Variants in CCNY observed in about 807,000 individuals in gnomAD.
The protein encoded by CCNY is cyclin Y.
A neutral mutation model predicts 42.8 loss-of-function variants in CCNY; 19 were observed. The observed-to-expected ratio is 0.44, with a 90% CI of 0.31 to 0.65. The LOEUF is 0.65. Ranked by LOEUF, CCNY falls within the 30% of genes least tolerant of loss-of-function variation. The pLI, the probability that CCNY is intolerant of heterozygous loss-of-function variation, is 0.07. For synonymous variants in CCNY, 165 were observed against 162.7 expected, an observed-to-expected ratio of 1.01 and a Z score of -0.11; for missense variants, 370 against 437.3, an observed-to-expected ratio of 0.85 and a Z score of 1.37.
At chr10:35,371,653 C>T (rs535486206) in intron 1 of CCNY, among the ~76,000 whole-genome samples, 1 of 152,224 alleles carries the variant, frequency 6.6e-6, no homozygotes, top group South Asian at 2.1e-4. Flanking sequence ...GACTGGGGCA[C>T]AGTAGAGATG....
intron 3 of CCNY, among the ~76,000 whole-genome samples, chr10:35,511,124 C>T (rs1470654619): frequency 6.6e-6 from 1 of 152,220 alleles, no homozygotes; most frequent in Non-Finnish European, 1.5e-5. Context: ...TCTGCCGTAA[C>T]ACAGCTGCTG....
At chr10:35,439,008 T>C (rs1838604306) in intron 1 of CCNY, among the ~76,000 whole-genome samples, 1 of 152,234 alleles carries the variant, frequency 6.6e-6, no homozygotes, top group African/African-American at 2.4e-5. Flanking sequence ...TCCTGTTTTC[T>C]GATGAACAAT....
At chr10:35,296,036 G>T (rs184643172) in intron 3 of CCNY, among the ~76,000 whole-genome samples, 9 of 152,272 alleles carry the variant, frequency 5.9e-5, no homozygotes, top group Admixed American at 5.9e-4. Flanking sequence ...AGTGTTGAGG[G>T]AAGTTTATAT....
Position 35,530,388 on chromosome 10 carries a change from T to C in CCNY, c.579+145T>C. On this transcript the variant is annotated intron_variant, in intron 7 of 9. Coordinates refer to ENST00000374704, the MANE Select transcript of CCNY (RefSeq NM_145012.6). This position sits in a 1 kb window ranked among gnomAD's most constrained non-coding sequence, Gnocchi z 4.3. ...GTGGCATAAGCTTCAGTGTTGTCGT[T>C]CTCCTGGGAGAATAGAGGATAGATA... The C allele has an allele frequency of 1.0e-6, 1 of 952,470 alleles. No individual in the cohort carries two copies. Among genetic ancestry groups the C allele is most frequent in the Non-Finnish European group, 1.6e-6 (1 of 642,318 alleles). The allele number at this position is 952,470 out of a possible 1,614,324, so 59.0% of individuals were successfully genotyped here.
chr10:35,529,109 A>G (rs770383434), intron 5 of CCNY, among the ~76,000 whole-genome samples: 4 of 152,212 alleles, frequency 2.6e-5, no homozygotes, highest in Non-Finnish European at 5.9e-5. Context: ...TACCTCTTTA[A>G]GTGGTTCTGT....
chr10:35,547,849 G>A (rs1841149378), intron 7 of CCNY, among the ~76,000 whole-genome samples: 1 of 152,152 alleles, frequency 6.6e-6, no homozygotes, highest in Non-Finnish European at 1.5e-5. Context: ...CAGGGAAGAG[G>A]CCCTTACACT....
At chr10:35,314,200 C>G (rs1835725633) in intron 3 of CCNY, among the ~76,000 whole-genome samples, 1 of 152,046 alleles carries the variant, frequency 6.6e-6, no homozygotes, top group African/African-American at 2.4e-5. Context: ...AGTCTGTTCT[C>G]TCACTGCTGA....
intron 3 of CCNY, among the ~76,000 whole-genome samples, chr10:35,315,724 G>A (rs1159296045): frequency 6.6e-6 from 1 of 152,142 alleles, no homozygotes; most frequent in Non-Finnish European, 1.5e-5. Context: ...CAGTGTATAA[G>A]CATTCCCTTT....
chr10:35,356,996 T>A (rs1205579066), intron 1 of CCNY, among the ~76,000 whole-genome samples: 1 of 152,170 alleles, frequency 6.6e-6, no homozygotes, highest in Non-Finnish European at 1.5e-5. Context: ...GGCCTCCCAG[T>A]GTTTTTCAAG....
chr10:35,437,729 GT>G (rs1300909355), intron 1 of CCNY, among the ~76,000 whole-genome samples: 1 of 151,672 alleles, frequency 6.6e-6, no homozygotes, highest in Non-Finnish European at 1.5e-5. Flanking sequence ...GTGAGAAAAG[GT>G]TTTTTTTCTA....
intron 1 of CCNY, among the ~76,000 whole-genome samples, chr10:35,425,493 A>G (rs1023956350): frequency 2.6e-5 from 4 of 152,340 alleles, no homozygotes; most frequent in Admixed American, 6.5e-5. Flanking sequence ...CCGTAATAGA[A>G]TATTAGTTGA....
chr10:35,406,192 TC>T (rs1353852196), intron 1 of CCNY, among the ~76,000 whole-genome samples: 5 of 145,288 alleles, frequency 3.4e-5, no homozygotes, highest in Non-Finnish European at 7.5e-5. Context: ...TTTTTTTTTT[TC>T]TTTTTTATTT....
Position 35,511,075 on chromosome 10 carries a change from GC to G in CCNY, c.265-5444del, listed in dbSNP as rs553567178. ...AGCATTTCACTGCCCAATGGTGCAG[GC>G]CCCTGCGGCCAGCTCATTGCCACAC... is the stretch of plus-strand genomic sequence containing the variant. On this transcript the variant is annotated intron_variant, in intron 3 of 9. Coordinates refer to ENST00000374704, the MANE Select transcript of CCNY (RefSeq NM_145012.6). Among the ~76,000 whole-genome samples the G allele has an allele frequency of 8.2e-4, 125 of 152,274 alleles. 4 individuals are homozygous for G. The South Asian group carries it at 0.025, about 30-fold the overall frequency.
chr10:35,307,100 G>A (rs920646110), intron 3 of CCNY, among the ~76,000 whole-genome samples: 6 of 152,164 alleles, frequency 3.9e-5, no homozygotes, highest in African/African-American at 1.4e-4. Context: ...TTGTGCCCTC[G>A]GGTAACACGC....
At chr10:35,261,977 T>G (rs539510788) in intron 3 of CCNY, among the ~76,000 whole-genome samples, 16 of 151,468 alleles carry the variant, frequency 1.1e-4, no homozygotes, top group Non-Finnish European at 1.8e-4. Context: ...GCTGAGATGG[T>G]ACCATTGCAC....
At chr10:35,296,850 ATTCAC>A (rs1294984961) in intron 3 of CCNY, among the ~76,000 whole-genome samples, 4 of 152,330 alleles carry the variant, frequency 2.6e-5, no homozygotes, top group African/African-American at 9.6e-5. Context: ...GACCAGATGG[ATTCAC>A]AGCTGAATTC....
intron 1 of CCNY, among the ~76,000 whole-genome samples, chr10:35,426,109 GCGCACACACACACACACA>G (rs1469340002): frequency 0.012 from 1,338 of 111,758 alleles, 41 homozygotes; most frequent in African/African-American, 0.044. Context: ...GGTCCAGCAC[GCGCACACACACACACACA>G]CACACACACA....
chr10:35,370,174 C>T (rs992754229), intron 1 of CCNY, among the ~76,000 whole-genome samples: 17 of 148,316 alleles, frequency 1.1e-4, no homozygotes, highest in Non-Finnish European at 1.8e-4. Context: ...TTTTTTGAGA[C>T]GGAGTCTCAC....
chr10:35,444,239 T>A lies in CCNY; in HGVS notation c.155-39165T>A, dbSNP rs567012326. ...TGCCTGAGGCTGTTTCACAGTTAAC[T>A]GTTTTTTGGCTTTTTTTTTTTTTTT... On this transcript the variant is annotated intron_variant, in intron 1 of 9. Transcript: ENST00000374704. Among the ~76,000 whole-genome samples the A allele has an allele frequency of 2.1e-4, 32 of 151,052 alleles. No homozygotes were observed. The South Asian group carries it at 5.6e-3, about 27-fold the overall frequency.
Sources: gnomAD v4.1 joint callset for allele counts (sites outside exome capture counted in the v4.1 genomes callset) on GRCh38, gnomAD v4.1.1 for gene constraint, Gnocchi (gnomAD v3.1) non-coding constraint, MANE v1.5 for transcripts, NCBI Gene and HGNC (gene_info 2026-07-23, HGNC 2026-07-21) for gene names.